The following CDK14 variants were observed in gnomAD, a reference collection of about 807,000 sequenced individuals.
CDK14 encodes the protein cyclin dependent kinase 14.
A neutral mutation model predicts 60.7 loss-of-function variants in CDK14; 34 were observed. The ratio of observed to expected loss-of-function variants is 0.56; its 90% CI spans 0.43 to 0.75. The LOEUF is 0.75. Among genes scored for constraint, CDK14 ranks in the 30% least tolerant of loss-of-function variants. The probability of loss-of-function intolerance (pLI) is 0.00; values close to 1 mark genes in which losing one functional copy is unlikely to be tolerated. For missense variants in CDK14, 482 were observed against 564.1 expected (o/e 0.85, Z 1.47); for synonymous variants, 197 against 203.7 (o/e 0.97, Z 0.28).
At chr7:90,827,306 A>G (rs1017869430) in intron 5 of CDK14, among the ~76,000 whole-genome samples, 7 of 152,162 alleles carry the variant, frequency 4.6e-5, no homozygotes, top group Non-Finnish European at 7.3e-5. Context: ...TCATGGAATA[A>G]TATTCTATTG....
intron 14 of CDK14, among the ~76,000 whole-genome samples, chr7:91,136,265 C>A (rs547923320): frequency 1.3e-5 from 2 of 152,196 alleles, no homozygotes; most frequent in Admixed American, 1.3e-4. Flanking sequence ...ATGTGGTATA[C>A]CATGGTCTAC....
Position 90,809,257 on chromosome 7 carries a change from T to A in CDK14, c.544+18605T>A, listed in dbSNP as rs145189870. On this transcript the variant is annotated intron_variant, in intron 5 of 14. Coordinates refer to ENST00000380050, the MANE Select transcript of CDK14 (RefSeq NM_001287135.2). Reference sequence around the variant, plus strand: ...CTTAGCAACTGTAGAAGAACAGAAGTTATAACAAACTGTCTCTCAGACCAC... The same window carrying A: ...CTTAGCAACTGTAGAAGAACAGAAGATATAACAAACTGTCTCTCAGACCAC... 6.6e-3 allele frequency among the ~76,000 whole-genome samples: 1,006 copies of A among 152,108 alleles called. 6 individuals carry two copies. Among genetic ancestry groups the A allele is most frequent in the Non-Finnish European group, 0.011 (777 of 67,976 alleles).
intron 4 of CDK14, among the ~76,000 whole-genome samples, chr7:90,771,234 T>C (rs1037658614): frequency 4.6e-5 from 7 of 152,230 alleles, no homozygotes; most frequent in African/African-American, 1.7e-4. Flanking sequence ...AGGATCGGAA[T>C]AATTTTTTCT....
At chr7:90,891,057 C>T (rs1481647634) in intron 6 of CDK14, among the ~76,000 whole-genome samples, 1 of 152,164 alleles carries the variant, frequency 6.6e-6, no homozygotes, top group Non-Finnish European at 1.5e-5. Context: ...TCCACCCTTG[C>T]TTCCTTGGCC....
At chr7:90,904,855 C>T (rs933506127) in intron 7 of CDK14, among the ~76,000 whole-genome samples, 7 of 152,072 alleles carry the variant, frequency 4.6e-5, no homozygotes, top group Admixed American at 2.6e-4. Flanking sequence ...ATTACAATGG[C>T]GTCAGATTTT....
intron 14 of CDK14, among the ~76,000 whole-genome samples, chr7:91,186,191 T>C (rs1205513763): frequency 2.3e-4 from 1 of 4,350 alleles, no homozygotes; most frequent in African/African-American, 8.8e-4. Flanking sequence ...CCCTCTCCTC[T>C]CCTCCCCTCC....
intron 2 of CDK14, among the ~76,000 whole-genome samples, chr7:90,693,955 G>T (rs1801606068): frequency 6.6e-6 from 1 of 152,198 alleles, no homozygotes; most frequent in African/African-American, 2.4e-5. Flanking sequence ...GCACAAGTAT[G>T]TTGTTGGAAT....
chr7:90,660,158 C>T lies in CDK14; in HGVS notation c.123+55909C>T, dbSNP rs866947232. ...AATCATTTTAGTAACAGTTATTGAA[C>T]GTGTAGAATGTTGAGAAAGAGTAGT... On this transcript the variant is annotated intron_variant, in intron 2 of 14. Coordinates refer to ENST00000380050, the MANE Select transcript of CDK14 (RefSeq NM_001287135.2). Among the ~76,000 whole-genome samples, 17 of 152,156 alleles carry T rather than the reference C, an allele frequency of 1.1e-4. No individual in the cohort carries two copies. In the South Asian group the frequency reaches 2.3e-3, roughly 20 times the overall value.
At chr7:90,663,547 A>G (rs2116509766) in intron 2 of CDK14, among the ~76,000 whole-genome samples, 1 of 152,286 alleles carries the variant, frequency 6.6e-6, no homozygotes, top group Non-Finnish European at 1.5e-5. Context: ...AGTGTGAGAA[A>G]CTAGAAATAT....
intron 2 of CDK14, among the ~76,000 whole-genome samples, chr7:90,681,659 A>G (rs768976660): frequency 2.0e-5 from 3 of 152,192 alleles, no homozygotes; most frequent in Non-Finnish European, 4.4e-5. Context: ...AAATAAAGTA[A>G]TTGCATTAAA....
At chr7:90,828,224 T>G (rs547769843) in intron 5 of CDK14, among the ~76,000 whole-genome samples, 10 of 152,308 alleles carry the variant, frequency 6.6e-5, no homozygotes, top group Admixed American at 2.6e-4. Flanking sequence ...GGAAGTGGTG[T>G]TGTTATATAA....
chr7:91,151,399 T>A (rs1408534616), intron 14 of CDK14, among the ~76,000 whole-genome samples: 1 of 152,188 alleles, frequency 6.6e-6, no homozygotes, highest in African/African-American at 2.4e-5. Flanking sequence ...AATCATGCTC[T>A]CATTCATGCA....
intron 5 of CDK14, among the ~76,000 whole-genome samples, chr7:90,818,313 A>T (rs1295184649): frequency 1.3e-5 from 2 of 152,218 alleles, no homozygotes; most frequent in Non-Finnish European, 2.9e-5. Flanking sequence ...AGTGGAACTT[A>T]TTTACATCAC....
chr7:90,826,600 G>A (rs1036569120), intron 5 of CDK14, among the ~76,000 whole-genome samples: 3 of 152,118 alleles, frequency 2.0e-5, no homozygotes, highest in African/African-American at 7.2e-5. Context: ...AGGAAGGCAA[G>A]GTTGGGGGAG....
At chr7:90,636,880 G>C (rs1800164759) in intron 2 of CDK14, among the ~76,000 whole-genome samples, 1 of 151,868 alleles carries the variant, frequency 6.6e-6, no homozygotes, top group African/African-American at 2.4e-5. Context: ...TATGTGTCGA[G>C]GAATTTATCC....
At chr7:91,000,020 G>C (rs1172059520) in intron 10 of CDK14, among the ~76,000 whole-genome samples, 1 of 152,152 alleles carries the variant, frequency 6.6e-6, no homozygotes, top group Non-Finnish European at 1.5e-5. Flanking sequence ...ACAATTATTT[G>C]ACTTCTAGTT....
intron 6 of CDK14, among the ~76,000 whole-genome samples, chr7:90,895,379 T>C (rs182596914): frequency 0.46 from 2,401 of 5,274 alleles, 442 homozygotes; most frequent in Middle Eastern, 0.7. Flanking sequence ...CCCTCCCCTC[T>C]CCTCTCCTCT....
In CDK14 at chr7:91,065,377, G is replaced by A. The variant is rs561556037; in HGVS notation, c.1106-14055G>A. 1.4e-4 allele frequency among the ~76,000 whole-genome samples: 22 copies of A among 152,228 alleles called. No homozygotes were observed. The South Asian group carries it at 3.7e-3, about 26-fold the overall frequency. ...GGAATATCAAGTGTTTTAAAGGTGT[G>A]GATTGCAGTTTAGAGTAACATACAT... is the stretch of plus-strand genomic sequence containing the variant. On this transcript the variant is annotated intron_variant, in intron 11 of 14. Coordinates refer to ENST00000380050, the MANE Select transcript of CDK14 (RefSeq NM_001287135.2).
chr7:90,650,515 G>T lies in CDK14; in HGVS notation c.123+46266G>T, dbSNP rs183570951. 9.0e-3 allele frequency among the ~76,000 whole-genome samples: 1,371 copies of T among 152,270 alleles called. 11 individuals carry two copies. The highest frequency in any genetic ancestry group is 0.013 in the Non-Finnish European group (872 of 68,010). On this transcript the variant is annotated intron_variant, in intron 2 of 14. Transcript: ENST00000380050. ...TTGTTGCCATTGCTTTGGTGTTTTA[G>T]TCATGAAGTCTTTGCCTAGGCCTAC...
Sources: allele counts gnomAD v4.1 joint callset (sites outside exome capture counted in the v4.1 genomes callset), GRCh38; gene constraint gnomAD v4.1.1; transcripts MANE v1.5; gene names NCBI Gene and HGNC (gene_info 2026-07-23, HGNC 2026-07-21).